Variants in COL3A1 observed in about 807,000 individuals in gnomAD.
The protein encoded by COL3A1 is collagen type III alpha 1 chain.
In COL3A1, 46 loss-of-function variants were observed where a neutral mutation model predicts 200.9. The observed-to-expected ratio is 0.23, with a 90% CI of 0.18 to 0.29. COL3A1 has a LOEUF of 0.29. Among genes scored for constraint, COL3A1 ranks in the 10% least tolerant of loss-of-function variants. The pLI, the probability that COL3A1 is intolerant of heterozygous loss-of-function variation, is 1.00. For synonymous variants in COL3A1, 650 were observed against 628.0 expected (o/e 1.03, Z -0.52); for missense variants, 1,367 against 1,917.6 (o/e 0.71, Z 5.36).
intron 21 of COL3A1, 65 bp downstream of exon 21, chr2:188,995,164 A>G (rs1688277883): frequency 1.4e-6 from 2 of 1,456,664 alleles, no homozygotes; most frequent in East Asian, 2.3e-5. Context: ...CTTGTATACA[A>G]TTTCTCATTC....
intron 41 of COL3A1, 136 bp from the exon 42 acceptor site, chr2:189,006,070 A>G: frequency 1.2e-6 from 1 of 819,088 alleles, no homozygotes; most frequent in Non-Finnish European, 2.1e-6. Context: ...ACTGCTTTGT[A>G]ATATCTAAGA....
At chr2:189,003,898 TA>T in intron 38 of COL3A1, 83 bp from the exon 39 acceptor site, 1 of 1,578,858 alleles carries the variant, frequency 6.3e-7, no homozygotes, top group African/African-American at 1.4e-5. Flanking sequence ...AAGTCTCAAA[TA>T]AAATTATTTG....
rs769023507 is a variant in COL3A1, at chr2:189,008,884, A to T, written c.3526-40A>T. On this transcript the variant is annotated intron_variant, in intron 47 of 50. Coordinates refer to ENST00000304636, the MANE Select transcript of COL3A1 (RefSeq NM_000090.4). ...CAATGTATTCTTAGAGTGGCGACTG[A>T]ATGTGCATACCTCAATGATCCATGT... 8 of 1,598,044 alleles carry T rather than the reference A, an allele frequency of 5.0e-6. No homozygotes were observed. In the Admixed American group the frequency reaches 1.3e-4, roughly 27 times the overall value.
chr2:188,990,193 T>G (rs1249631353), intron 9 of COL3A1, 44 bp downstream of exon 9: 1 of 1,600,952 alleles, frequency 6.2e-7, no homozygotes, highest in Non-Finnish European at 8.6e-7. Flanking sequence ...TAATCTTAGC[T>G]TGAAAACTAT....
intron 15 of COL3A1, 105 bp downstream of exon 15, chr2:188,993,045 CT>C: frequency 1.9e-6 from 2 of 1,030,456 alleles, no homozygotes; most frequent in East Asian, 2.4e-5. Context: ...AAATGGATAG[CT>C]TTTATCTATA....
chr2:188,994,328 G>C lies in COL3A1; in HGVS notation c.1289G>C (p.Gly430Ala). The C allele has an allele frequency of 6.2e-7, 1 of 1,613,520 alleles. No individual in the cohort carries two copies. Among genetic ancestry groups the C allele is most frequent in the Non-Finnish European group, 8.5e-7 (1 of 1,179,918 alleles). The change falls in exon 18 of 51, where the codon GGT becomes GCT. Residue 430 changes from glycine to alanine, a missense_variant. Gly to Ala is a moderately conservative substitution (Grantham distance 60, BLOSUM62 0). Around this residue, in one of 5 missense-constraint regions of COL3A1, gnomAD observed 462 missense variants for 681.4 expected, o/e 0.68. Transcript: ENST00000304636. This position sits in a 1 kb window ranked among gnomAD's most constrained non-coding sequence, Gnocchi z 4.5. ...AATGGTGCTCCTGGACTGCGAGGTG[G>C]TGCAGTAAGTTGCCTTGTTTTTTCT... ...GANGAPGLRG[G>A]AGEPGKNGAK...
At chr2:188,974,598 A>T in intron 1 of COL3A1, 30 bp downstream of exon 1, 1 of 1,583,434 alleles carries the variant, frequency 6.3e-7, no homozygotes, top group Non-Finnish European at 8.7e-7. Context: ...AAGAAACTTT[A>T]TGGGATTTTT....
At position 189,001,600 on chromosome 2, in the gene COL3A1, A is replaced by G; in HGVS notation, c.2391+11A>G. The G allele has an allele frequency of 3.7e-6, 6 of 1,611,088 alleles. 1 individual carries two copies. Among genetic ancestry groups the G allele is most frequent in the Non-Finnish European group, 4.2e-6 (5 of 1,179,960 alleles). On this transcript the variant is annotated intron_variant, in intron 34 of 50. Coordinates refer to ENST00000304636, the MANE Select transcript of COL3A1 (RefSeq NM_000090.4). The stretch of plus-strand genomic sequence containing the variant: ...CCTCGTGGTAGCCCTGTAAGTGTTA[A>G]AGACATTCTCAACATACTTTTTAAC...
Position 189,009,088 on chromosome 2 carries a change from C to A in COL3A1, c.3690C>A (p.Asn1230Lys). ...ATGAACCAATGGATTTCAAAATCAA[C>A]ACCGATGAGATTATGACTTCACTCA... ...YGDEPMDFKINTDEIMTSLKS... is the reference protein window; with the variant it reads ...YGDEPMDFKIKTDEIMTSLKS... Residue 1230 changes from asparagine (N) to lysine (K), a missense_variant, in exon 48 of 51, where the codon AAC becomes AAA. Coordinates refer to ENST00000304636, the MANE Select transcript of COL3A1 (RefSeq NM_000090.4). The A allele has an allele frequency of 6.2e-7, 1 of 1,614,184 alleles. No homozygotes were observed. Among genetic ancestry groups the A allele is most frequent in the Non-Finnish European group, 8.5e-7 (1 of 1,180,022 alleles).
intron 1 of COL3A1, among the ~76,000 whole-genome samples, chr2:188,975,702 GATAT>G (rs1433101584): frequency 1.3e-5 from 2 of 152,098 alleles, no homozygotes; most frequent in Non-Finnish European, 2.9e-5. Flanking sequence ...GGGAGGGGTA[GATAT>G]ACAATGAAAT....
At chr2:188,999,162 A>G in intron 29 of COL3A1, 123 bp from the exon 30 acceptor site, 10 of 938,974 alleles carry the variant, frequency 1.1e-5, no homozygotes, top group Non-Finnish European at 1.7e-5. Flanking sequence ...TTTTAAGTAT[A>G]CAAATTTCTA....
At chr2:188,993,955 A>G (rs1688241228) in intron 16 of COL3A1, 83 bp from the exon 17 acceptor site, 4 of 1,328,326 alleles carry the variant, frequency 3.0e-6, no homozygotes, top group Non-Finnish European at 4.3e-6. Context: ...TCATCGATAC[A>G]TTTATTTTCA....
chr2:189,007,766 A>G, intron 45 of COL3A1, 119 bp from the exon 46 acceptor site: 1 of 1,349,578 alleles, frequency 7.4e-7, no homozygotes, highest in Non-Finnish European at 1.1e-6. Context: ...CAATGGGAAG[A>G]TTAAAGAAAG....
At position 188,996,478 on chromosome 2, in the gene COL3A1, C is replaced by T. The variant is rs140229974; in HGVS notation, c.1743C>T (p.Pro581=). The T allele has an allele frequency of 1.4e-5, 23 of 1,613,498 alleles. No homozygotes were observed. Among genetic ancestry groups the T allele is most frequent in the East Asian group, 8.9e-5 (4 of 44,814 alleles). ...GTCAGCCTGGTGTCATGGGCTTCCC[C>T]GGTCCTAAAGGAAATGATGTGAGTT... The part of the protein sequence containing the change: ...PRGQPGVMGF[P]GPKGNDGAPG... The change falls in exon 24 of 51, where the codon CCC becomes CCT. Residue 581 remains proline, a synonymous_variant. Transcript: ENST00000304636.
chr2:188,985,626 G>T (rs781255601), intron 3 of COL3A1, 39 bp from the exon 4 acceptor site: 2 of 1,333,286 alleles, frequency 1.5e-6, no homozygotes, highest in Non-Finnish European at 1.1e-6. Context: ...GAATCACCAG[G>T]ATTTTTCACT....
intron 4 of COL3A1, 60 bp downstream of exon 4, chr2:188,985,838 C>G: frequency 9.0e-7 from 1 of 1,115,558 alleles, no homozygotes; most frequent in Non-Finnish European, 1.4e-6. Context: ...CATCTTCTTT[C>G]TTTACTCGAT....
intron 41 of COL3A1, 106 bp from the exon 42 acceptor site, chr2:189,006,100 A>T: frequency 8.2e-7 from 1 of 1,219,014 alleles, no homozygotes; most frequent in Non-Finnish European, 1.2e-6. Flanking sequence ...CCCAAGAACC[A>T]ATTTTAACCC....
intron 1 of COL3A1, among the ~76,000 whole-genome samples, chr2:188,977,425 T>C (rs1225047689): frequency 6.6e-6 from 1 of 152,120 alleles, no homozygotes; most frequent in Admixed American, 6.6e-5. Context: ...GAGTATATTT[T>C]TTTCATTATG....
chr2:188,988,868 A>G (rs937736996), intron 7 of COL3A1, among the ~76,000 whole-genome samples: 2 of 152,114 alleles, frequency 1.3e-5, no homozygotes, highest in Admixed American at 6.6e-5. Flanking sequence ...CCATCAAAAT[A>G]GTCCACTTCC....
Sources: gnomAD v4.1 joint callset for allele counts (sites outside exome capture counted in the v4.1 genomes callset) on GRCh38, gnomAD v4.1.1 for gene constraint, gnomAD v4.1.1 regional missense constraint, Gnocchi (gnomAD v3.1) non-coding constraint, MANE v1.5 for transcripts, NCBI Gene and HGNC (gene_info 2026-07-23, HGNC 2026-07-21) for gene names.